Variants in PNLIPRP3 observed in about 807,000 individuals in gnomAD.
The protein encoded by PNLIPRP3 is pancreatic lipase related protein 3.
PNLIPRP3 carries 58 observed loss-of-function variants against 52.8 expected under a neutral mutation model. That is an observed-to-expected ratio of 1.10 (90% CI 0.89 to 1.37). The LOEUF is 1.37. PNLIPRP3 is among the 40% of genes most tolerant of loss of function. The pLI, the probability that PNLIPRP3 is intolerant of heterozygous loss-of-function variation, is 0.00. For missense variants in PNLIPRP3, 593 were observed against 561.6 expected, an observed-to-expected ratio of 1.06 and a Z score of -0.57; for synonymous variants, 192 against 185.0, an observed-to-expected ratio of 1.04 and a Z score of -0.31.
intron 4 of PNLIPRP3, among the ~76,000 whole-genome samples, chr10:116,445,118 G>A (rs1845924879): frequency 6.6e-6 from 1 of 152,068 alleles, no homozygotes; most frequent in African/African-American, 2.4e-5. Flanking sequence ...TTTTAAGGAG[G>A]GTTCATTCAT....
At chr10:116,449,804 T>A (rs1589981505) in intron 4 of PNLIPRP3, among the ~76,000 whole-genome samples, 1 of 152,180 alleles carries the variant, frequency 6.6e-6, no homozygotes, top group East Asian at 1.9e-4. Flanking sequence ...CACTTTCGTC[T>A]CAGGTACACA....
chr10:116,466,245 C>T (rs1457236644), intron 8 of PNLIPRP3, 77 bp downstream of exon 8: 4 of 1,101,454 alleles, frequency 3.6e-6, no homozygotes, highest in Non-Finnish European at 5.2e-6. Context: ...AACATTAGGG[C>T]TTTGTGTAGG....
rs752507971 is a variant in PNLIPRP3 at position 116,469,327 on chromosome 10, A to T, written c.1060+10A>T. The stretch of plus-strand genomic sequence containing the variant: ...CTTTCCCCATTTGCCCGTAAGTATC[A>T]TAGCTAAGTTTAATTGTAATGCTTT... On this transcript the variant is annotated intron_variant, in intron 9 of 11. Coordinates refer to ENST00000369230, the MANE Select transcript of PNLIPRP3 (RefSeq NM_001011709.3). 15 of 1,594,934 alleles carry T rather than the reference A, an allele frequency of 9.4e-6. No homozygotes were observed. In the East Asian group the frequency reaches 3.4e-4, roughly 36 times the overall value.
intron 5 of PNLIPRP3, among the ~76,000 whole-genome samples, chr10:116,458,958 C>T (rs1219403142): frequency 6.6e-6 from 1 of 152,106 alleles, no homozygotes; most frequent in Non-Finnish European, 1.5e-5. Context: ...TCCCCAAAAC[C>T]ACTATTGCCA....
intron 4 of PNLIPRP3, among the ~76,000 whole-genome samples, chr10:116,453,669 C>T (rs771916738): frequency 7.9e-5 from 12 of 152,026 alleles, no homozygotes; most frequent in Non-Finnish European, 1.3e-4. Flanking sequence ...GTAAAGAGCA[C>T]GGCCCCTCCC....
intron 2 of PNLIPRP3, among the ~76,000 whole-genome samples, chr10:116,440,668 G>T (rs79330131): frequency 6.6e-6 from 1 of 152,112 alleles, no homozygotes; most frequent in South Asian, 2.1e-4. Flanking sequence ...GGTGTGGTAC[G>T]ATAAACTTGG....
intron 4 of PNLIPRP3, among the ~76,000 whole-genome samples, 174 bp downstream of exon 4, chr10:116,444,687 G>A (rs1249009532): frequency 6.6e-6 from 1 of 152,182 alleles, no homozygotes; most frequent in African/African-American, 2.4e-5. Flanking sequence ...GCAGTAAAGA[G>A]TCTGTGGTTA....
At chr10:116,466,415 T>C (rs1360535850) in intron 8 of PNLIPRP3, among the ~76,000 whole-genome samples, 2 of 152,196 alleles carry the variant, frequency 1.3e-5, no homozygotes, top group South Asian at 2.1e-4. Context: ...ATTTTGCTTT[T>C]TTGGCCATTT....
intron 5 of PNLIPRP3, among the ~76,000 whole-genome samples, chr10:116,460,144 A>G (rs1000921097): frequency 1.3e-5 from 2 of 152,110 alleles, no homozygotes; most frequent in African/African-American, 2.4e-5. Flanking sequence ...CTTGGATAAC[A>G]CTTATGATCA....
rs141556677 is a variant in PNLIPRP3 at position 116,461,030 on chromosome 10, T to G, written c.630T>G (p.Asp210Glu). 4 of 1,613,842 alleles carry G rather than the reference T, an allele frequency of 2.5e-6. No individual in the cohort carries two copies. Among genetic ancestry groups the G allele is most frequent in the African/African-American group, 1.3e-5 (1 of 74,946 alleles). The change falls in exon 6 of 12, where the codon GAT becomes GAG. Residue 210 changes from aspartate to glutamate, a missense_variant. By Grantham distance (45) the Asp-to-Glu change is conservative. Coordinates refer to ENST00000369230, the MANE Select transcript of PNLIPRP3 (RefSeq NM_001011709.3). ...AGGAAGTCAGGCTAGACCCCTCGGA[T>G]GCCAACTTTGTTGACGTTATTCATA... ...TPKEVRLDPS[D>E]ANFVDVIHTN...
At chr10:116,446,844 T>C (rs1250013397) in intron 4 of PNLIPRP3, among the ~76,000 whole-genome samples, 4 of 152,200 alleles carry the variant, frequency 2.6e-5, no homozygotes, top group Admixed American at 2.6e-4. Flanking sequence ...CCATATGATC[T>C]GAAGGAAACT....
rs1333841405 is a variant in PNLIPRP3, at chr10:116,474,477, C to T, written c.1173-2175C>T. 2.6e-5 allele frequency among the ~76,000 whole-genome samples: 4 copies of T among 152,286 alleles called. No individual in the cohort carries two copies. In the South Asian group the frequency reaches 8.3e-4, roughly 32 times the overall value. On this transcript the variant is annotated intron_variant, in intron 10 of 11. Coordinates refer to ENST00000369230, the MANE Select transcript of PNLIPRP3 (RefSeq NM_001011709.3). Reference sequence around the variant, plus strand: ...ATCTAATTAAACTAAAGAGCTTCGACACAGCAAAACAAACTATCAACAGAG... The same window carrying T: ...ATCTAATTAAACTAAAGAGCTTCGATACAGCAAAACAAACTATCAACAGAG...
rs749996578 is a variant in PNLIPRP3, at chr10:116,460,949, G to A, written c.566-17G>A. On this transcript the variant is annotated splice_polypyrimidine_tract_variant and intron_variant, in intron 5 of 11. Transcript: ENST00000369230. Reference sequence around the variant, plus strand: ...TGTGCACTTCCATAGAACATGTCTTGGTTGTGCTTTCTCTAGGGTTGGACC... The same window carrying A: ...TGTGCACTTCCATAGAACATGTCTTAGTTGTGCTTTCTCTAGGGTTGGACC... 6.2e-7 allele frequency: 1 copy of A among 1,610,550 alleles called. No homozygotes were observed. Among genetic ancestry groups the A allele is most frequent in the Non-Finnish European group, 8.5e-7 (1 of 1,179,394 alleles).
chr10:116,431,707 A>G (rs1014921786), intron 1 of PNLIPRP3, among the ~76,000 whole-genome samples: 1 of 152,020 alleles, frequency 6.6e-6, no homozygotes, highest in Admixed American at 6.6e-5. Flanking sequence ...AAAAGCAACT[A>G]TTTTTCCCCA....
At chr10:116,469,970 C>CAAAAAAAAAAAAAAAAAAAA (rs34958696) in intron 9 of PNLIPRP3, among the ~76,000 whole-genome samples, 1 of 131,518 alleles carries the variant, frequency 7.6e-6, no homozygotes, top group African/African-American at 2.8e-5. Flanking sequence ...ACAATTCAGG[C>CAAAAAAAAAAAAAAAAAAAA]AAAAAAAAAA....
rs1845727559 is a variant in PNLIPRP3, at chr10:116,432,968, G to A, written c.50-3743G>A. On this transcript the variant is annotated intron_variant, in intron 1 of 11. Transcript: ENST00000369230. ...TTTCTACTAAAAATACAAAAAATTA[G>A]CCAGGTGTGGAGGTGCACACCTGTA... Among the ~76,000 whole-genome samples, 6 of 151,600 alleles carry A rather than the reference G, an allele frequency of 4.0e-5. No individual in the cohort carries two copies. The South Asian group carries it at 1.3e-3, about 32-fold the overall frequency.
In PNLIPRP3 at chr10:116,454,638, T is replaced by C. The variant is rs543934877; in HGVS notation, c.457-1084T>C. 1.1e-4 allele frequency among the ~76,000 whole-genome samples: 16 copies of C among 152,368 alleles called. No individual in the cohort carries two copies. The South Asian group carries it at 3.1e-3, about 30-fold the overall frequency. ...CCTCTACTTACGTAGTTTGACTTTT[T>C]AAAATTCCACATATTAAGTGAGGTC... is the stretch of plus-strand genomic sequence containing the variant. On this transcript the variant is annotated intron_variant, in intron 4 of 11. Coordinates refer to ENST00000369230, the MANE Select transcript of PNLIPRP3 (RefSeq NM_001011709.3).
chr10:116,459,324 G>A (rs1316571171), intron 5 of PNLIPRP3, among the ~76,000 whole-genome samples: 2 of 150,940 alleles, frequency 1.3e-5, no homozygotes, highest in Non-Finnish European at 2.9e-5. Flanking sequence ...TAAGTGTGCT[G>A]AGCACACACC....
intron 4 of PNLIPRP3, among the ~76,000 whole-genome samples, chr10:116,452,063 CAGAT>C (rs1846048557): frequency 6.6e-6 from 1 of 152,156 alleles, no homozygotes; most frequent in South Asian, 2.1e-4. Context: ...GATGAAGTCT[CAGAT>C]AGAAATGACA....
Sources: gnomAD v4.1 joint callset for allele counts (sites outside exome capture counted in the v4.1 genomes callset) on GRCh38, gnomAD v4.1.1 for gene constraint, MANE v1.5 for transcripts, NCBI Gene and HGNC (gene_info 2026-07-23, HGNC 2026-07-21) for gene names.